The following SMARCA4 variants were observed in gnomAD, a reference collection of about 807,000 sequenced individuals.
SMARCA4 encodes SWI/SNF-related matrix-associated actin-dependent regulator of chromatin subfamily A member 4.
Under a neutral mutation model 193.9 loss-of-function variants are expected in SMARCA4, and 31 were observed. The ratio of observed to expected loss-of-function variants is 0.16; its 90% CI spans 0.12 to 0.22. The LOEUF (loss-of-function observed/expected upper bound fraction) is 0.22, where lower values mean the gene tolerates loss of function less well. SMARCA4 is among the 10% of genes least tolerant of loss of function. The probability of loss-of-function intolerance (pLI) is 1.00; values close to 1 mark genes in which losing one functional copy is unlikely to be tolerated. For synonymous variants in SMARCA4, 942 were observed against 933.1 expected (o/e 1.01, Z -0.17); for missense variants, 1,148 against 2,296.0 (o/e 0.50, Z 10.22).
At chr19:11,046,335 A>C (rs1365720983) in intron 30 of SMARCA4, among the ~76,000 whole-genome samples, 1 of 152,180 alleles carries the variant, frequency 6.6e-6, no homozygotes, top group Non-Finnish European at 1.5e-5. Flanking sequence ...ACCTGCTTTG[A>C]AGAGGACACC....
intron 30 of SMARCA4, among the ~76,000 whole-genome samples, chr19:11,044,922 G>A (rs1183251822): frequency 6.6e-6 from 1 of 152,204 alleles, no homozygotes; most frequent in African/African-American, 2.4e-5. Context: ...GCATGGATCA[G>A]TGGAGGCCTA....
Position 10,984,521 on chromosome 19 carries a change from C to G in SMARCA4, c.222+148C>G. 1 of 1,400,132 alleles carries G rather than the reference C, an allele frequency of 7.1e-7. No homozygotes were observed. The highest frequency in any genetic ancestry group is 1.3e-5 in the South Asian group (1 of 76,612). The allele number at this position is 1,400,132 out of a possible 1,614,324, so 86.7% of individuals were successfully genotyped here. On this transcript the variant is annotated intron_variant, in intron 2 of 34. Transcript: ENST00000344626. The surrounding 1 kb of genome is among the most constrained non-coding windows in gnomAD (Gnocchi z 4.3). ...TTGGCTCAGCCCCCTACCCCAGGGC[C>G]CACGGCCATGAACAGAAGGTTCAGC...
intron 29 of SMARCA4, among the ~76,000 whole-genome samples, chr19:11,036,105 G>A (rs2075255808): frequency 6.6e-6 from 1 of 152,146 alleles, no homozygotes; most frequent in Non-Finnish European, 1.5e-5. Context: ...GTGCACCAGA[G>A]GGCGCTGTTG....
chr19:11,013,669 A>C (rs540099056), intron 16 of SMARCA4, among the ~76,000 whole-genome samples: 412 of 152,186 alleles, frequency 2.7e-3, no homozygotes, highest in African/African-American at 9.2e-3. Flanking sequence ...ACAACCAGCA[A>C]AGTCCATGCA....
At chr19:10,979,292 C>G (rs1291524014) in intron 1 of SMARCA4, among the ~76,000 whole-genome samples, 1 of 152,070 alleles carries the variant, frequency 6.6e-6, no homozygotes, top group Non-Finnish European at 1.5e-5. Flanking sequence ...CCAAATGACT[C>G]TCATAGCAGC....
rs917024469 is a variant in SMARCA4 at position 10,985,521 on chromosome 19, C to T, written c.355+116C>T. On this transcript the variant is annotated intron_variant, in intron 3 of 34. Coordinates refer to ENST00000344626, the MANE Select transcript of SMARCA4 (RefSeq NM_003072.5). This position sits in a 1 kb window ranked among gnomAD's most constrained non-coding sequence, Gnocchi z 4.5. ...CAGGGAGTACCTAGGATGATGTAGC[C>T]GGGTGGGTGGCCCGCCACAGAGAGC... 2.7e-5 allele frequency: 36 copies of T among 1,309,672 alleles called. No individual in the cohort carries two copies. Among genetic ancestry groups the T allele is most frequent in the Middle Eastern group, 1.9e-4 (1 of 5,282 alleles). 81.1% of individuals were successfully genotyped at this position (1,309,672 alleles called of 1,614,324 possible).
At chr19:11,011,115 T>C in intron 15 of SMARCA4, 1 of 182,554 alleles carries the variant, frequency 5.5e-6, no homozygotes, top group East Asian at 1.3e-4. Flanking sequence ...GAGCTGCTCA[T>C]GCTCTTAATG....
intron 8 of SMARCA4, among the ~76,000 whole-genome samples, chr19:10,994,239 C>T (rs1160179842): frequency 6.7e-6 from 1 of 150,060 alleles, no homozygotes; most frequent in Non-Finnish European, 1.5e-5. Flanking sequence ...GATGGGGTTT[C>T]ACTATGTTGG....
At chr19:11,039,379 G>A in intron 29 of SMARCA4, 1 of 743,828 alleles carries the variant, frequency 1.3e-6, no homozygotes, top group South Asian at 1.8e-5. Context: ...TGACCTAAAT[G>A]CCCAAGAACA....
At chr19:11,038,875 C>T (rs2075411575) in intron 29 of SMARCA4, among the ~76,000 whole-genome samples, 1 of 152,188 alleles carries the variant, frequency 6.6e-6, no homozygotes, top group Non-Finnish European at 1.5e-5. Context: ...CATGAGGAAT[C>T]TGTCTTAAAC....
rs376978510 is a variant in SMARCA4, at chr19:11,025,520, G to A, written c.3168+12G>A. On this transcript the variant is annotated intron_variant, in intron 22 of 34. Coordinates refer to ENST00000344626, the MANE Select transcript of SMARCA4 (RefSeq NM_003072.5). The stretch of plus-strand genomic sequence containing the variant: ...TCCAGCACATCGAGGTGAGCCCGCC[G>A]CGGCTGGGACGGCTCAGGCCCTGCT... 9.3e-6 allele frequency: 15 copies of A among 1,608,096 alleles called. No individual in the cohort carries two copies. The highest frequency in any genetic ancestry group is 6.6e-5 in the South Asian group (6 of 90,982).
chr19:10,963,059 G>T (rs887911879), intron 1 of SMARCA4, among the ~76,000 whole-genome samples: 4 of 152,042 alleles, frequency 2.6e-5, no homozygotes, highest in Admixed American at 6.6e-5. Flanking sequence ...GTGGAAGATC[G>T]CGTGACCATC....
intron 19 of SMARCA4, among the ~76,000 whole-genome samples, chr19:11,023,064 A>G (rs2089990572): frequency 6.6e-6 from 1 of 152,180 alleles, no homozygotes; most frequent in Admixed American, 6.5e-5. Flanking sequence ...CCCAGGCTGA[A>G]TGAGAGTCCC....
intron 1 of SMARCA4, among the ~76,000 whole-genome samples, chr19:10,983,862 C>T (rs2085772591): frequency 1.3e-5 from 2 of 152,062 alleles, no homozygotes; most frequent in South Asian, 4.2e-4. Context: ...TGGCAGGAGC[C>T]CCTGAAGGCC....
At chr19:11,052,330 G>A (rs1336263162) in intron 30 of SMARCA4, among the ~76,000 whole-genome samples, 1 of 152,160 alleles carries the variant, frequency 6.6e-6, no homozygotes, top group Non-Finnish European at 1.5e-5. Context: ...GGAGGCCAAC[G>A]CGGGAAAATC....
In SMARCA4 at chr19:11,032,991, C is replaced by G. The variant is rs868111383; in HGVS notation, c.3547-299C>G. The G allele has an allele frequency of 4.0e-5, 20 of 494,672 alleles. No individual in the cohort carries two copies. In the Middle Eastern group the frequency reaches 3.4e-3, roughly 85 times the overall value. 30.6% of individuals were successfully genotyped at this position (494,672 alleles called of 1,614,324 possible). On this transcript the variant is annotated intron_variant, in intron 25 of 34. Coordinates refer to ENST00000344626, the MANE Select transcript of SMARCA4 (RefSeq NM_003072.5). The stretch of plus-strand genomic sequence containing the variant: ...GGGAGCTGTGCCGCTGCCACGGGAG[C>G]TGCTTGAGAATATAATCCCCTGGGG...
At chr19:10,981,565 A>G (rs1011100558) in intron 1 of SMARCA4, among the ~76,000 whole-genome samples, 1 of 152,172 alleles carries the variant, frequency 6.6e-6, no homozygotes, top group African/African-American at 2.4e-5. Flanking sequence ...TCTTTTCAGG[A>G]TTGGCTGGAG....
chr19:10,978,638 T>C (rs563872621), intron 1 of SMARCA4, among the ~76,000 whole-genome samples: 1 of 152,030 alleles, frequency 6.6e-6, no homozygotes, highest in African/African-American at 2.4e-5. Flanking sequence ...TACTTTCTAC[T>C]TTTTAAAAGT....
rs1212451914 is a variant in SMARCA4, at chr19:11,030,630, T to G, written c.3383-100T>G. 1.8e-6 allele frequency: 2 copies of G among 1,088,338 alleles called. No individual in the cohort carries two copies. Among genetic ancestry groups the G allele is most frequent in the Non-Finnish European group, 1.4e-6 (1 of 736,630 alleles). The allele number at this position is 1,088,338 out of a possible 1,614,324, so 67.4% of individuals were successfully genotyped here. On this transcript the variant is annotated intron_variant, in intron 24 of 34. Transcript: ENST00000344626. The surrounding 1 kb of genome is among the most constrained non-coding windows in gnomAD (Gnocchi z 5.5). ...CCAGGGATCTGGGGATGCTGGCAGG[T>G]GCTGATCCTGCTCCTGCTCTCAGAA...
Sources: allele counts gnomAD v4.1 joint callset (sites outside exome capture counted in the v4.1 genomes callset), GRCh38; gene constraint gnomAD v4.1.1; non-coding constraint Gnocchi (gnomAD v3.1); transcripts MANE v1.5; gene names NCBI Gene and HGNC (gene_info 2026-07-23, HGNC 2026-07-21).